Variants in BRWD3 observed in about 807,000 individuals in gnomAD.
BRWD3 encodes the protein bromodomain and WD repeat-containing protein 3.
BRWD3 carries 10 observed loss-of-function variants against 149.7 expected under a neutral mutation model. That is an observed-to-expected ratio of 0.07 (90% CI 0.04 to 0.11). The LOEUF (loss-of-function observed/expected upper bound fraction) is 0.11. Ranked by LOEUF, BRWD3 falls within the 10% of genes least tolerant of loss-of-function variation. BRWD3 has a pLI of 1.00. For missense variants in BRWD3, 940 were observed against 1,373.2 expected (o/e 0.68, Z 4.99); for synonymous variants, 504 against 456.7 (o/e 1.10, Z -1.32).
intron 4 of BRWD3, among the ~76,000 whole-genome samples, chrX:80,795,451 G>C (rs1346101549): frequency 9.2e-6 from 1 of 109,176 alleles, no homozygotes; most frequent in African/African-American, 3.3e-5. Context: ...GTATATGTAT[G>C]TGTATATGTA....
At chrX:80,710,605 C>G (rs1002791173) in intron 20 of BRWD3, 1 of 497,271 alleles carries the variant, frequency 2.0e-6, no homozygotes, top group Non-Finnish European at 3.7e-6. Context: ...GATGATGTGT[C>G]TCCAATCCTG....
At chrX:80,790,145 C>T (rs1306978754) in intron 6 of BRWD3, among the ~76,000 whole-genome samples, 3 of 97,995 alleles carry the variant, frequency 3.1e-5, no homozygotes, top group South Asian at 4.9e-4. Context: ...GAGATTGTGC[C>T]GATGCACTCT....
intron 16 of BRWD3, among the ~76,000 whole-genome samples, chrX:80,723,075 T>C (rs1220755620): frequency 9.0e-6 from 1 of 111,689 alleles, no homozygotes; most frequent in Non-Finnish European, 1.9e-5. Context: ...TAGTTGGGCG[T>C]TTGTATTGAA....
intron 4 of BRWD3, among the ~76,000 whole-genome samples, chrX:80,796,062 AG>A (rs775569301): frequency 5.7e-4 from 63 of 111,494 alleles, no homozygotes; most frequent in Non-Finnish European, 8.8e-4. Flanking sequence ...GGCATAAAGC[AG>A]GACTAAATAA....
intron 25 of BRWD3, 90 bp from the exon 26 acceptor site, chrX:80,696,953 T>A (rs1193484626): frequency 1.1e-6 from 1 of 912,614 alleles, no homozygotes; most frequent in Non-Finnish European, 1.5e-6. Flanking sequence ...CAATTTATTA[T>A]CTGAAAATTC....
At chrX:80,729,870 A>G in intron 13 of BRWD3, 46 bp downstream of exon 13, 1 of 874,929 alleles carries the variant, frequency 1.1e-6, no homozygotes, top group Non-Finnish European at 1.7e-6. Flanking sequence ...AACTCAATGT[A>G]AAATATATCA....
intron 6 of BRWD3, among the ~76,000 whole-genome samples, chrX:80,765,063 T>C (rs1227460931): frequency 9.0e-6 from 1 of 111,604 alleles, no homozygotes; most frequent in Non-Finnish European, 1.9e-5. Flanking sequence ...CACTATTACT[T>C]AGTTGCCCCA....
chrX:80,687,326 G>A (rs760341833), intron 34 of BRWD3, among the ~76,000 whole-genome samples: 3 of 111,074 alleles, frequency 2.7e-5, no homozygotes, highest in African/African-American at 9.8e-5. Flanking sequence ...ATATTTGCCG[G>A]TAGTTAAGTA....
Position 80,684,278 on chromosome X carries a change from G to A in BRWD3, c.4081-116C>T, listed in dbSNP as rs980410149. On this transcript the variant is annotated intron_variant, in intron 36 of 40. Transcript: ENST00000373275. ...TGAAATAAACACATTGCTTTTCAATGTGCCAACTACCTCCCCACAACCCCA... is the reference window on the plus strand; with the variant it reads ...TGAAATAAACACATTGCTTTTCAATATGCCAACTACCTCCCCACAACCCCA... The A allele has an allele frequency of 9.2e-6, 6 of 653,889 alleles. No individual in the cohort carries two copies. The South Asian group carries it at 1.6e-4, about 18-fold the overall frequency. The allele number at this position is 653,889 out of a possible 1,213,427, so 53.9% of individuals were successfully genotyped here.
rs1160619998 is a variant in BRWD3, at chrX:80,726,238, TTA to T, written c.1387-1173_1387-1172del. 8.0e-4 allele frequency among the ~76,000 whole-genome samples: 76 copies of T among 95,350 alleles called. 1 individual carries two copies. The highest frequency in any genetic ancestry group is 1.1e-3 in the Non-Finnish European group (48 of 43,994). The allele number at this position is 95,350 out of a possible 115,157, so 82.8% of individuals were successfully genotyped here. ...GTATAACATATAACACGTTTACATG[TTA>T]TATGTCTGTATAACATATAACACGT... On this transcript the variant is annotated intron_variant, in intron 14 of 40. Transcript: ENST00000373275.
At chrX:80,793,816 GT>G in intron 4 of BRWD3, 44 bp from the exon 5 acceptor site, 4 of 1,111,364 alleles carry the variant, frequency 3.6e-6, no homozygotes, top group Non-Finnish European at 4.9e-6. Flanking sequence ...CATTTATTTG[GT>G]TTAAAAATAT....
In BRWD3 at chrX:80,796,419, G is replaced by A. The variant is rs2074240262; in HGVS notation, c.181-2647C>T. ...GCTGGGATTACAGGCATGAGCCACC[G>A]TGCCCAACCTAATCAATGTTATTGT... On this transcript the variant is annotated intron_variant, in intron 4 of 40. Coordinates refer to ENST00000373275, the MANE Select transcript of BRWD3 (RefSeq NM_153252.5). 2.7e-5 allele frequency among the ~76,000 whole-genome samples: 3 copies of A among 111,391 alleles called. No homozygotes were observed. The South Asian group carries it at 1.1e-3, about 42-fold the overall frequency.
intron 6 of BRWD3, among the ~76,000 whole-genome samples, chrX:80,780,049 C>A (rs1239466548): frequency 1.8e-5 from 2 of 111,513 alleles, no homozygotes; most frequent in Non-Finnish European, 3.8e-5. Flanking sequence ...GAATGATAAA[C>A]ATCCCAAATC....
intron 6 of BRWD3, among the ~76,000 whole-genome samples, chrX:80,785,545 G>A (rs1270098684): frequency 1.8e-5 from 2 of 111,305 alleles, no homozygotes; most frequent in African/African-American, 6.5e-5. Context: ...CTATACGAAC[G>A]ACGGAAACAT....
chrX:80,801,952 T>C (rs1319345265), intron 4 of BRWD3, among the ~76,000 whole-genome samples: 1 of 111,347 alleles, frequency 9.0e-6, no homozygotes, highest in Non-Finnish European at 1.9e-5. Flanking sequence ...TCCCATTTGT[T>C]TAAAAAAAAA....
intron 8 of BRWD3, among the ~76,000 whole-genome samples, chrX:80,741,294 T>G (rs1418161729): frequency 8.9e-6 from 1 of 112,235 alleles, no homozygotes; most frequent in African/African-American, 3.2e-5. Flanking sequence ...CACATTTTCT[T>G]AATCCAGTCT....
chrX:80,717,458 A>G, intron 19 of BRWD3, 115 bp downstream of exon 19: 1 of 725,505 alleles, frequency 1.4e-6, no homozygotes, highest in Non-Finnish European at 2.1e-6. Context: ...AAACTAATGC[A>G]TGACTAAACT....
intron 6 of BRWD3, among the ~76,000 whole-genome samples, chrX:80,772,575 C>T (rs1338520190): frequency 1.8e-5 from 2 of 109,987 alleles, no homozygotes; most frequent in Non-Finnish European, 3.8e-5. Context: ...ATGTAACAAA[C>T]CTGCACATTG....
At chrX:80,779,080 G>A (rs1054292302) in intron 6 of BRWD3, among the ~76,000 whole-genome samples, 4 of 110,819 alleles carry the variant, frequency 3.6e-5, no homozygotes, top group African/African-American at 1.3e-4. Flanking sequence ...TTGGGAGGCC[G>A]AGGCAGGTGA....
Sources: gnomAD v4.1 joint callset for allele counts (sites outside exome capture counted in the v4.1 genomes callset) on GRCh38, gnomAD v4.1.1 for gene constraint, MANE v1.5 for transcripts, NCBI Gene and HGNC (gene_info 2026-07-23, HGNC 2026-07-21) for gene names.